Variants in RHOQ observed in about 807,000 individuals in gnomAD.
RHOQ encodes ras homolog family member Q.
Under a neutral mutation model 25.8 loss-of-function variants are expected in RHOQ, and 7 were observed. The ratio of observed to expected loss-of-function variants is 0.27; its 90% CI spans 0.15 to 0.51. The LOEUF (loss-of-function observed/expected upper bound fraction) is 0.51, where lower values mean the gene tolerates loss of function less well. Among genes scored for constraint, RHOQ ranks in the 20% least tolerant of loss-of-function variants. RHOQ has a pLI of 0.97. For missense variants in RHOQ, 165 were observed against 260.6 expected, an observed-to-expected ratio of 0.63 and a Z score of 2.53; for synonymous variants, 97 against 98.6, an observed-to-expected ratio of 0.98 and a Z score of 0.10.
intron 1 of RHOQ, 42 bp downstream of exon 1, chr2:46,543,230 CG>C: frequency 6.2e-7 from 1 of 1,608,334 alleles, no homozygotes; most frequent in East Asian, 2.3e-5. Flanking sequence ...CTCCCCGGGC[CG>C]GGAACTTTGG....
chr2:46,558,410 C>T lies in RHOQ; in HGVS notation c.201+14598C>T, dbSNP rs528800326. Among the ~76,000 whole-genome samples, 33 of 152,222 alleles carry T rather than the reference C, an allele frequency of 2.2e-4. 1 individual carries two copies. The highest frequency in any genetic ancestry group is 7.2e-4 in the African/African-American group (30 of 41,538). ...TGAAAATGTTTTTATTCCTTCATAC[C>T]GGACTGATACTTTGAAAATAGATTA... On this transcript the variant is annotated intron_variant, in intron 2 of 4. Transcript: ENST00000238738.
chr2:46,576,612 G>C lies in RHOQ; in HGVS notation c.418G>C (p.Glu140Gln), dbSNP rs1280354275. The C allele has an allele frequency of 1.2e-6, 2 of 1,610,918 alleles. No individual in the cohort carries two copies. Among genetic ancestry groups the C allele is most frequent in the Non-Finnish European group, 1.7e-6 (2 of 1,178,308 alleles). ...KTLARLNDMK[E>Q]KPICVEQGQK... ...TTTAGCAAGACTGAATGATATGAAA[G>C]AAAAACCTATATGTGTGGAACAAGG... Residue 140 changes from glutamate to glutamine, a missense_variant, in exon 4 of 5, where the codon GAA becomes CAA. Transcript: ENST00000238738. This position sits in a 1 kb window ranked among gnomAD's most constrained non-coding sequence, Gnocchi z 5.1.
chr2:46,567,101 A>G (rs1668758634), intron 2 of RHOQ, among the ~76,000 whole-genome samples: 1 of 152,254 alleles, frequency 6.6e-6, no homozygotes, highest in Non-Finnish European at 1.5e-5. Flanking sequence ...TTAAATCAGT[A>G]TAACATCCTG....
chr2:46,583,901 A>C lies in RHOQ; in HGVS notation c.*2818A>C, dbSNP rs1669485282. Among the ~76,000 whole-genome samples, 1 of 152,228 alleles carries C rather than the reference A, an allele frequency of 6.6e-6. No homozygotes were observed. Among genetic ancestry groups the C allele is most frequent in the Non-Finnish European group, 1.5e-5 (1 of 68,016 alleles). On this transcript the variant is annotated 3_prime_UTR_variant, in exon 5 of 5. Coordinates refer to ENST00000238738, the MANE Select transcript of RHOQ (RefSeq NM_012249.4). ...AATCAGTGTTTGCATATAGAGAATTAGTTCTAAAGTTCTTAAAAATAAATT... is the reference window on the plus strand; with the variant it reads ...AATCAGTGTTTGCATATAGAGAATTCGTTCTAAAGTTCTTAAAAATAAATT...
At chr2:46,568,927 G>A (rs1400717756) in intron 2 of RHOQ, 1 of 152,200 alleles carries the variant, frequency 6.6e-6, no homozygotes, top group East Asian at 1.9e-4. Flanking sequence ...GTTAGGAAAG[G>A]AGTATACCAC....
chr2:46,560,522 A>G (rs1281592898), intron 2 of RHOQ: 5 of 454,818 alleles, frequency 1.1e-5, no homozygotes, highest in Non-Finnish European at 2.2e-5. Flanking sequence ...CTTGGCATAC[A>G]GGCTTTGCAG....
At chr2:46,543,373 A>C (rs1572729693) in intron 1 of RHOQ, 185 bp downstream of exon 1, 2 of 583,248 alleles carry the variant, frequency 3.4e-6, no homozygotes, top group Non-Finnish European at 5.8e-6. Context: ...CCGCTGATCC[A>C]CCCCCTCTCC....
chr2:46,563,702 A>G (rs1668641685), intron 2 of RHOQ, among the ~76,000 whole-genome samples: 1 of 152,134 alleles, frequency 6.6e-6, no homozygotes. Context: ...CTGAATTTTC[A>G]AAGAAATCTA....
Position 46,583,219 on chromosome 2 carries a change from A to T in RHOQ, c.*2136A>T, listed in dbSNP as rs1047304227. ...CTTGGTTTACTAATTCAAAGTTAGAAGTCTAGAATTTGCCCTGCCCTAACA... is the reference window on the plus strand; with the variant it reads ...CTTGGTTTACTAATTCAAAGTTAGATGTCTAGAATTTGCCCTGCCCTAACA... On this transcript the variant is annotated 3_prime_UTR_variant, in exon 5 of 5. Coordinates refer to ENST00000238738, the MANE Select transcript of RHOQ (RefSeq NM_012249.4). The T allele has an allele frequency of 2.6e-5, 4 of 152,102 alleles. No homozygotes were observed. The highest frequency in any genetic ancestry group is 4.8e-5 in the African/African-American group (2 of 41,432). The allele number at this position is 152,102 out of a possible 1,614,324, so 9.4% of individuals were successfully genotyped here.
chr2:46,582,753 A>T lies in RHOQ; in HGVS notation c.*1670A>T, dbSNP rs1459243164. The T allele has an allele frequency of 2.0e-5, 3 of 152,628 alleles. No individual in the cohort carries two copies. Among genetic ancestry groups the T allele is most frequent in the Non-Finnish European group, 4.4e-5 (3 of 68,028 alleles). The allele number at this position is 152,628 out of a possible 1,614,324, so 9.5% of individuals were successfully genotyped here. A position where few individuals can be genotyped will look rare whatever the true frequency, so the allele number is the denominator to read the frequency against. ...TTGAAAATGACAGCCTTAAATGCTC[A>T]TATCAGTCACAAATCTAGGATGTAC... On this transcript the variant is annotated 3_prime_UTR_variant, in exon 5 of 5. Transcript: ENST00000238738.
At position 46,543,573 on chromosome 2, in the gene RHOQ, C is replaced by T. The variant is rs555606780; in HGVS notation, c.143-181C>T. On this transcript the variant is annotated intron_variant, in intron 1 of 4. Transcript: ENST00000238738. Reference sequence around the variant, plus strand: ...GTGGACGGCTGGGGACCACATCACACCCCGGCCCTTTGCCGGTTCACAGTG... The same window carrying T: ...GTGGACGGCTGGGGACCACATCACATCCCGGCCCTTTGCCGGTTCACAGTG... 159 of 639,348 alleles carry T rather than the reference C, an allele frequency of 2.5e-4. No individual in the cohort carries two copies. In the African/African-American group the frequency reaches 2.7e-3, roughly 11 times the overall value. 39.6% of individuals were successfully genotyped at this position (639,348 alleles called of 1,614,324 possible).
chr2:46,564,414 C>T (rs956540146), intron 2 of RHOQ, among the ~76,000 whole-genome samples: 8 of 152,166 alleles, frequency 5.3e-5, no homozygotes, highest in Admixed American at 1.3e-4. Context: ...ATTTTCATCT[C>T]CTCCTCAGAA....
At chr2:46,575,585 G>A (rs570963049) in intron 2 of RHOQ, among the ~76,000 whole-genome samples, 6 of 152,188 alleles carry the variant, frequency 3.9e-5, no homozygotes, top group East Asian at 1.9e-4. Flanking sequence ...ACATCCTTAC[G>A]CAAGTAATTT....
chr2:46,567,003 C>T (rs763266137), intron 2 of RHOQ, among the ~76,000 whole-genome samples: 3 of 152,076 alleles, frequency 2.0e-5, no homozygotes, highest in Non-Finnish European at 4.4e-5. Flanking sequence ...TTTATCAGAC[C>T]CATCTCCCAT....
chr2:46,550,254 A>G (rs1021005438), intron 2 of RHOQ, among the ~76,000 whole-genome samples: 23 of 152,152 alleles, frequency 1.5e-4, no homozygotes, highest in African/African-American at 5.3e-4. Context: ...AAAAAAAAAA[A>G]GAATTGATTC....
At chr2:46,550,673 G>C (rs1489648432) in intron 2 of RHOQ, among the ~76,000 whole-genome samples, 4 of 152,220 alleles carry the variant, frequency 2.6e-5, no homozygotes, top group Admixed American at 2.0e-4. Context: ...GCTCACTTCT[G>C]TGAGCCTCTC....
Position 46,555,429 on chromosome 2 carries a change from G to A in RHOQ, c.201+11617G>A, listed in dbSNP as rs550959813. Among the ~76,000 whole-genome samples the A allele has an allele frequency of 6.6e-6, 1 of 152,312 alleles. No individual in the cohort carries two copies. The highest frequency in any genetic ancestry group is 2.1e-4 in the South Asian group (1 of 4,820). On this transcript the variant is annotated intron_variant, in intron 2 of 4. Transcript: ENST00000238738. The surrounding 1 kb of genome is among the most constrained non-coding windows in gnomAD (Gnocchi z 4.3). ...AACTAGGTGTGTGTTAAATTTAGGG[G>A]AGTCTGGTGGTAAGATTATTATGGA...
In RHOQ at chr2:46,552,917, AG is replaced by A. The variant is rs1572738518; in HGVS notation, c.201+9107del. Among the ~76,000 whole-genome samples, 1 of 152,206 alleles carries A rather than the reference AG, an allele frequency of 6.6e-6. No homozygotes were observed. The highest frequency in any genetic ancestry group is 1.9e-4 in the East Asian group (1 of 5,198). On this transcript the variant is annotated intron_variant, in intron 2 of 4. Transcript: ENST00000238738. The surrounding 1 kb of genome is among the most constrained non-coding windows in gnomAD (Gnocchi z 5.0). ...ATGCTAGTAAGAGTTAAGTTGAGTA[AG>A]GTTGTTTCCACGAAAGTTGTTTTTT...
intron 2 of RHOQ, among the ~76,000 whole-genome samples, chr2:46,553,494 G>C (rs943008477): frequency 1.3e-5 from 2 of 151,938 alleles, no homozygotes; most frequent in African/African-American, 2.4e-5. Flanking sequence ...TCCAATTACA[G>C]TCTTTGAGTT....
Sources: allele counts gnomAD v4.1 joint callset (sites outside exome capture counted in the v4.1 genomes callset), GRCh38; gene constraint gnomAD v4.1.1; non-coding constraint Gnocchi (gnomAD v3.1); transcripts MANE v1.5; gene names NCBI Gene and HGNC (gene_info 2026-07-23, HGNC 2026-07-21).